The following FAP variants were observed in gnomAD, a reference collection of about 807,000 sequenced individuals.
FAP encodes the protein prolyl endopeptidase FAP.
A neutral mutation model predicts 126.5 loss-of-function variants in FAP; 110 were observed. The observed-to-expected ratio is 0.87, with a 90% CI of 0.74 to 1.02. The LOEUF (loss-of-function observed/expected upper bound fraction) is 1.02, where lower values mean the gene tolerates loss of function less well. FAP is among the 50% of genes least tolerant of loss of function. The pLI, the probability that FAP is intolerant of heterozygous loss-of-function variation, is 0.00. For missense variants in FAP, 919 were observed against 909.2 expected, an observed-to-expected ratio of 1.01 and a Z score of -0.14; for synonymous variants, 334 against 297.3, an observed-to-expected ratio of 1.12 and a Z score of -1.27.
chr2:162,197,425 T>A, intron 16 of FAP: 2 of 389,636 alleles, frequency 5.1e-6, no homozygotes, highest in South Asian at 3.9e-5. Context: ...TGAAAAATGT[T>A]GCATATAACT....
intron 11 of FAP, among the ~76,000 whole-genome samples, chr2:162,212,020 A>T (rs1688957052): frequency 6.6e-6 from 1 of 152,222 alleles, no homozygotes; most frequent in Non-Finnish European, 1.5e-5. Flanking sequence ...ATTTTGAAAC[A>T]GAGGTGTTTA....
At chr2:162,190,027 A>G (rs1477160837) in intron 17 of FAP, among the ~76,000 whole-genome samples, 1 of 152,004 alleles carries the variant, frequency 6.6e-6, no homozygotes, top group Non-Finnish European at 1.5e-5. Flanking sequence ...AACAATGTTT[A>G]TTCAATCACG....
At chr2:162,193,776 T>G (rs192604916) in intron 17 of FAP, 10 of 152,302 alleles carry the variant, frequency 6.6e-5, no homozygotes, top group Non-Finnish European at 1.2e-4. Flanking sequence ...TGTTTTTGTT[T>G]TTTTTTCTTG....
intron 12 of FAP, among the ~76,000 whole-genome samples, chr2:162,205,549 G>A (rs1194685353): frequency 6.6e-6 from 1 of 150,872 alleles, no homozygotes; most frequent in East Asian, 1.9e-4. Context: ...TTTCGTTCTT[G>A]TTGCCCAGGC....
At chr2:162,200,417 T>A in intron 15 of FAP, 149 bp downstream of exon 15, 1 of 572,654 alleles carries the variant, frequency 1.7e-6, no homozygotes, top group Admixed American at 3.6e-5. Flanking sequence ...GTGTTTTTTA[T>A]ACCCATTCTC....
intron 10 of FAP, 40 bp from the exon 11 acceptor site, chr2:162,214,113 C>G: frequency 6.3e-6 from 10 of 1,599,678 alleles, no homozygotes; most frequent in Non-Finnish European, 8.5e-6. Flanking sequence ...AACCATAAAC[C>G]AGTTTCACAC....
chr2:162,173,859 A>G lies in FAP; in HGVS notation c.1970-72T>C, dbSNP rs1687397236. On this transcript the variant is annotated intron_variant, in intron 22 of 25. Transcript: ENST00000188790. ...ATTTCATTAACCAACAAGACCTTCT[A>G]GTTTAATAACTGTTTCTCAATTTTC... 19 of 1,000,232 alleles carry G rather than the reference A, an allele frequency of 1.9e-5. No homozygotes were observed. The South Asian group carries it at 2.4e-4, about 13-fold the overall frequency. 62.0% of individuals were successfully genotyped at this position (1,000,232 alleles called of 1,614,324 possible).
intron 12 of FAP, among the ~76,000 whole-genome samples, chr2:162,207,638 A>G (rs367837903): frequency 6.6e-6 from 1 of 151,474 alleles, no homozygotes; most frequent in Non-Finnish European, 1.5e-5. Context: ...CATGCCATTT[A>G]GTTGGGAATG....
chr2:162,209,298 A>G (rs952780898), intron 12 of FAP, among the ~76,000 whole-genome samples: 1 of 152,110 alleles, frequency 6.6e-6, no homozygotes, highest in Admixed American at 6.5e-5. Context: ...ACCTTCACTT[A>G]TTCTCTTGTA....
Position 162,226,583 on chromosome 2 carries a change from G to A in FAP, c.130C>T (p.Leu44=). ...SEENTMRALT[L]KDILNGTFSY... is the part of the protein sequence containing the mutation. ...AATGTTCCATTTAAAATATCCTTCAGTGTGAGTGCTCTCATTGTATTTTCT... is the reference window on the plus strand; with the variant it reads ...AATGTTCCATTTAAAATATCCTTCAATGTGAGTGCTCTCATTGTATTTTCT... The change falls in exon 3 of 26, where the codon CTG becomes TTG. Residue 44 remains leucine (L), a synonymous_variant. Transcript: ENST00000188790. The A allele has an allele frequency of 1.3e-6, 2 of 1,599,004 alleles. No individual in the cohort carries two copies. Among genetic ancestry groups the A allele is most frequent in the Non-Finnish European group, 1.7e-6 (2 of 1,171,464 alleles).
intron 12 of FAP, among the ~76,000 whole-genome samples, chr2:162,205,975 T>G (rs1367806504): frequency 6.6e-6 from 1 of 152,218 alleles, no homozygotes; most frequent in Admixed American, 6.5e-5. Flanking sequence ...TAAAGGGCTT[T>G]GTTCTAGATT....
At chr2:162,214,417 T>C (rs976327809) in intron 10 of FAP, among the ~76,000 whole-genome samples, 1 of 151,980 alleles carries the variant, frequency 6.6e-6, no homozygotes, top group African/African-American at 2.4e-5. Context: ...TTTGCACAAG[T>C]AAACTCAATT....
intron 12 of FAP, among the ~76,000 whole-genome samples, chr2:162,204,688 C>T (rs1198188352): frequency 6.6e-6 from 1 of 152,168 alleles, no homozygotes; most frequent in Non-Finnish European, 1.5e-5. Flanking sequence ...ACCATGATTT[C>T]CGACTTCCAG....
chr2:162,208,580 A>G (rs1465217512), intron 12 of FAP, among the ~76,000 whole-genome samples: 1 of 152,182 alleles, frequency 6.6e-6, no homozygotes, highest in Non-Finnish European at 1.5e-5. Flanking sequence ...TGACTAAATA[A>G]TATTTTCAAG....
intron 20 of FAP, among the ~76,000 whole-genome samples, chr2:162,185,682 G>A (rs374394856): frequency 2.0e-5 from 3 of 151,878 alleles, no homozygotes; most frequent in Non-Finnish European, 4.4e-5. Flanking sequence ...AAATATGTAC[G>A]TACGATTTTC....
intron 1 of FAP, 120 bp downstream of exon 1, chr2:162,243,202 C>T (rs1338635904): frequency 4.6e-6 from 4 of 878,906 alleles, no homozygotes; most frequent in Non-Finnish European, 7.3e-6. Flanking sequence ...CAATCCCAAC[C>T]CATTGAGGAA....
At chr2:162,240,377 G>T (rs76518093) in intron 2 of FAP, among the ~76,000 whole-genome samples, 1 of 152,094 alleles carries the variant, frequency 6.6e-6, no homozygotes, top group Non-Finnish European at 1.5e-5. Context: ...CCTGAAGCTG[G>T]TTCTCCTGGG....
chr2:162,175,193 A>G, intron 21 of FAP: 1 of 312,346 alleles, frequency 3.2e-6, no homozygotes, highest in African/African-American at 2.2e-5. Flanking sequence ...TGCTGATCAG[A>G]ACAGACCCTC....
At chr2:162,231,437 A>G (rs1367230770) in intron 2 of FAP, among the ~76,000 whole-genome samples, 1 of 152,232 alleles carries the variant, frequency 6.6e-6, no homozygotes, top group East Asian at 1.9e-4. Context: ...GTTGAACAGA[A>G]GTAAACATGA....
Sources: gnomAD v4.1 joint callset for allele counts (sites outside exome capture counted in the v4.1 genomes callset) on GRCh38, gnomAD v4.1.1 for gene constraint, MANE v1.5 for transcripts, NCBI Gene and HGNC (gene_info 2026-07-23, HGNC 2026-07-21) for gene names.